FNDC1: variants seen among roughly 807,000 people sequenced by gnomAD.
FNDC1 encodes the protein fibronectin type III domain-containing protein 1.
In FNDC1, 96 loss-of-function variants were observed where a neutral mutation model predicts 168.0. The ratio of observed to expected loss-of-function variants is 0.57; its 90% CI spans 0.48 to 0.68. The LOEUF is 0.68. Ranked by LOEUF, FNDC1 falls within the 30% of genes least tolerant of loss-of-function variation. FNDC1 has a pLI of 0.00. For synonymous variants in FNDC1, 1,099 were observed against 1,025.9 expected (o/e 1.07, Z -1.36); for missense variants, 2,587 against 2,482.1 (o/e 1.04, Z -0.90).
At chr6:159,245,604 C>G (rs1413097281) in intron 14 of FNDC1, among the ~76,000 whole-genome samples, 3 of 152,146 alleles carry the variant, frequency 2.0e-5, no homozygotes, top group Non-Finnish European at 2.9e-5. Flanking sequence ...TCAATTCCAT[C>G]ACATCTTTCC....
chr6:159,225,898 T>G (rs1782946687), intron 8 of FNDC1, among the ~76,000 whole-genome samples, 176 bp downstream of exon 8: 1 of 152,256 alleles, frequency 6.6e-6, no homozygotes, highest in South Asian at 2.1e-4. Context: ...GTTAAGGAAC[T>G]GTTTTTTGGG....
At chr6:159,217,757 A>G (rs1436457420) in intron 5 of FNDC1, among the ~76,000 whole-genome samples, 1 of 152,226 alleles carries the variant, frequency 6.6e-6, no homozygotes, top group Admixed American at 6.5e-5. Context: ...TATGGACTCC[A>G]GCTATTCAAG....
At chr6:159,235,316 TA>T (rs1783225624) in intron 11 of FNDC1, among the ~76,000 whole-genome samples, 1 of 43,454 alleles carries the variant, frequency 2.3e-5, no homozygotes, top group African/African-American at 5.5e-5. Flanking sequence ...TGAATGAATG[TA>T]TTTTTTTTTT....
At chr6:159,193,540 G>A (rs1782182339) in intron 1 of FNDC1, among the ~76,000 whole-genome samples, 2 of 152,188 alleles carry the variant, frequency 1.3e-5, no homozygotes, top group African/African-American at 4.8e-5. Context: ...CATCTACTAT[G>A]ATGAACAGAC....
intron 4 of FNDC1, among the ~76,000 whole-genome samples, chr6:159,210,184 A>G (rs1370751066): frequency 6.6e-6 from 1 of 152,230 alleles, no homozygotes; most frequent in Non-Finnish European, 1.5e-5. Context: ...AGGCACCAAG[A>G]GGACCTTCCC....
intron 12 of FNDC1, among the ~76,000 whole-genome samples, chr6:159,237,458 G>A (rs556174544): frequency 2.2e-4 from 34 of 152,276 alleles, no homozygotes; most frequent in Non-Finnish European, 4.1e-4. Context: ...CAAAGAGCAC[G>A]AGCTTGTTCC....
intron 6 of FNDC1, 39 bp from the exon 7 acceptor site, chr6:159,223,489 T>C: frequency 7.3e-7 from 1 of 1,365,970 alleles, no homozygotes; most frequent in African/African-American, 1.4e-5. Context: ...GAACCTGTTG[T>C]GAGAGAAAGC....
At chr6:159,209,220 A>T (rs1042218965) in intron 4 of FNDC1, among the ~76,000 whole-genome samples, 1 of 152,210 alleles carries the variant, frequency 6.6e-6, no homozygotes, top group Non-Finnish European at 1.5e-5. Flanking sequence ...TTTGAGATAA[A>T]AATGAAGATT....
In FNDC1 at chr6:159,233,236, C is replaced by T. The variant is rs1459974349; in HGVS notation, c.2724C>T (p.Asp908=). The change falls in exon 11 of 23, where the codon GAC becomes GAT. Residue 908 remains aspartate (D), a synonymous_variant. Transcript: ENST00000297267. The surrounding 1 kb of genome is among the most constrained non-coding windows in gnomAD (Gnocchi z 4.6). ...AGCCCATCTCCCGGGGCTGGGAGGA[C>T]TTAAGGAGAAGCCCGCAGAGAGGGG... ...SRQPISRGWE[D]LRRSPQRGAS... is the part of the protein sequence containing the mutation. The T allele has an allele frequency of 1.9e-6, 3 of 1,613,914 alleles. No individual in the cohort carries two copies. The highest frequency in any genetic ancestry group is 2.5e-6 in the Non-Finnish European group (3 of 1,179,870).
chr6:159,174,079 G>A (rs58538864), intron 1 of FNDC1, among the ~76,000 whole-genome samples: 1 of 152,274 alleles, frequency 6.6e-6, no homozygotes, highest in East Asian at 1.9e-4. Context: ...TATTATTTCA[G>A]TTAAAAAATA....
chr6:159,253,124 G>A (rs1175927999), intron 17 of FNDC1, among the ~76,000 whole-genome samples: 1 of 152,168 alleles, frequency 6.6e-6, no homozygotes, highest in Non-Finnish European at 1.5e-5. Flanking sequence ...CACCTCATCT[G>A]AAACGAAACC....
intron 14 of FNDC1, among the ~76,000 whole-genome samples, chr6:159,244,021 G>T (rs554753345): frequency 1.3e-5 from 2 of 152,268 alleles, no homozygotes; most frequent in African/African-American, 4.8e-5. Flanking sequence ...TGAAGGAAAT[G>T]ATATACTTTT....
Position 159,232,790 on chromosome 6 carries a change from C to T in FNDC1, c.2278C>T (p.Arg760Trp), listed in dbSNP as rs199545417. ...APATNSNAPS[R>W]STMSSSVSSH... ...AGCCACCAACTCCAATGCGCCATCA[C>T]GGTCCACCATGTCCTCCTCCGTCTC... The change falls in exon 11 of 23, where the codon CGG becomes TGG. Residue 760 changes from arginine to tryptophan, a missense_variant. Transcript: ENST00000297267. This position sits in a 1 kb window ranked among gnomAD's most constrained non-coding sequence, Gnocchi z 4.9. The T allele has an allele frequency of 6.2e-7, 1 of 1,613,848 alleles. No homozygotes were observed. Among genetic ancestry groups the T allele is most frequent in the African/African-American group, 1.3e-5 (1 of 74,946 alleles).
At chr6:159,250,616 T>G (rs1777233386) in intron 16 of FNDC1, among the ~76,000 whole-genome samples, 1 of 152,196 alleles carries the variant, frequency 6.6e-6, no homozygotes, top group Admixed American at 6.5e-5. Context: ...CTCTCAGCGT[T>G]GGCAGGCGAG....
intron 15 of FNDC1, among the ~76,000 whole-genome samples, chr6:159,248,337 C>T (rs895159100): frequency 4.0e-5 from 6 of 151,470 alleles, no homozygotes; most frequent in African/African-American, 1.5e-4. Flanking sequence ...GATGGAGTCT[C>T]GCTCTGTCTC....
intron 14 of FNDC1, among the ~76,000 whole-genome samples, chr6:159,242,299 A>G (rs951088595): frequency 5.9e-5 from 9 of 152,218 alleles, no homozygotes; most frequent in African/African-American, 1.7e-4. Context: ...ACATGGACAC[A>G]GGGAGGTGAA....
At chr6:159,175,619 T>A (rs1226567449) in intron 1 of FNDC1, among the ~76,000 whole-genome samples, 1 of 152,230 alleles carries the variant, frequency 6.6e-6, no homozygotes, top group Non-Finnish European at 1.5e-5. Flanking sequence ...TAAGACAAAG[T>A]GGCAGTGAAT....
At chr6:159,181,988 C>T (rs1366967985) in intron 1 of FNDC1, among the ~76,000 whole-genome samples, 3 of 152,202 alleles carry the variant, frequency 2.0e-5, no homozygotes, top group Non-Finnish European at 4.4e-5. Context: ...CAATTTCCTT[C>T]TACTGCTCTC....
At chr6:159,230,931 T>C (rs1005312587) in intron 10 of FNDC1, among the ~76,000 whole-genome samples, 2 of 149,346 alleles carry the variant, frequency 1.3e-5, no homozygotes, top group South Asian at 2.1e-4. Flanking sequence ...GTACATTTAA[T>C]ATAATGTTTG....
Sources: allele counts gnomAD v4.1 joint callset (sites outside exome capture counted in the v4.1 genomes callset), GRCh38; gene constraint gnomAD v4.1.1; non-coding constraint Gnocchi (gnomAD v3.1); transcripts MANE v1.5; gene names NCBI Gene and HGNC (gene_info 2026-07-23, HGNC 2026-07-21).